The following PCGF6 variants were observed in gnomAD, a reference collection of about 807,000 sequenced individuals.
The protein encoded by PCGF6 is polycomb group ring finger 6.
PCGF6 carries 24 observed loss-of-function variants against 45.5 expected under a neutral mutation model. The observed-to-expected ratio is 0.53, with a 90% CI of 0.38 to 0.74. The LOEUF (loss-of-function observed/expected upper bound fraction) is 0.74, where lower values mean the gene tolerates loss of function less well. PCGF6 is among the 30% of genes least tolerant of loss of function. PCGF6 has a pLI of 0.00. For synonymous variants in PCGF6, 152 were observed against 162.1 expected (o/e 0.94, Z 0.47); for missense variants, 356 against 443.2 (o/e 0.80, Z 1.77).
intron 8 of PCGF6, among the ~76,000 whole-genome samples, chr10:103,320,061 C>T (rs895077326): frequency 2.6e-5 from 4 of 152,134 alleles, no homozygotes; most frequent in African/African-American, 9.7e-5. Flanking sequence ...CCGCCTCAGC[C>T]TCCCAAAATG....
At chr10:103,327,479 G>C (rs987944645) in intron 7 of PCGF6, among the ~76,000 whole-genome samples, 8 of 152,040 alleles carry the variant, frequency 5.3e-5, no homozygotes, top group Non-Finnish European at 8.8e-5. Context: ...GGAAATTTAA[G>C]TAGTACATGA....
In PCGF6 at chr10:103,343,916, T is replaced by C. The variant is rs376411290; in HGVS notation, c.782+1108A>G. Among the ~76,000 whole-genome samples the C allele has an allele frequency of 1.5e-4, 22 of 147,046 alleles. 1 individual carries two copies. Among genetic ancestry groups the C allele is most frequent in the African/African-American group, 4.8e-4 (19 of 39,800 alleles). On this transcript the variant is annotated intron_variant, in intron 6 of 9. Transcript: ENST00000369847. ...AAGAGGAACATACCCTAAGACTCAG[T>C]AAATCTACACTCGTGGAGAACTATC...
chr10:103,304,931 T>C (rs1317358608), intron 9 of PCGF6, among the ~76,000 whole-genome samples: 1 of 151,992 alleles, frequency 6.6e-6, no homozygotes, highest in Non-Finnish European at 1.5e-5. Flanking sequence ...GTGAGCCATC[T>C]AGACCAGCTT....
At chr10:103,328,745 CT>C (rs1386892505) in intron 7 of PCGF6, among the ~76,000 whole-genome samples, 1 of 152,010 alleles carries the variant, frequency 6.6e-6, no homozygotes, top group East Asian at 1.9e-4. Context: ...AGGATTTTAA[CT>C]TTTTTTGTTT....
At chr10:103,349,479 G>GTT (rs11450842) in intron 1 of PCGF6, among the ~76,000 whole-genome samples, 2,071 of 108,132 alleles carry the variant, frequency 0.019, 133 homozygotes, top group African/African-American at 0.029. Context: ...CTTTCTTTCC[G>GTT]TTTTTTTTTT....
chr10:103,310,616 T>C (rs557283168), intron 9 of PCGF6, among the ~76,000 whole-genome samples: 167 of 152,276 alleles, frequency 1.1e-3, no homozygotes, highest in Non-Finnish European at 1.8e-3. Context: ...AGATAATTCT[T>C]ATAATATTCA....
chr10:103,312,084 CAAAAAAAAAAAAA>C (rs1225426465), intron 9 of PCGF6, among the ~76,000 whole-genome samples: 1 of 47,246 alleles, frequency 2.1e-5, no homozygotes, highest in Non-Finnish European at 3.7e-5. Context: ...ACTCTGTCTC[CAAAAAAAAAAAAA>C]AAAAAAAAAG....
intron 7 of PCGF6, among the ~76,000 whole-genome samples, chr10:103,329,121 C>T (rs540959756): frequency 6.6e-6 from 1 of 151,628 alleles, no homozygotes; most frequent in South Asian, 2.1e-4. Flanking sequence ...CTCACTGCAA[C>T]CTCTGCCTCT....
chr10:103,350,536 G>A (rs2093316970), intron 1 of PCGF6, among the ~76,000 whole-genome samples, 171 bp downstream of exon 1: 2 of 152,176 alleles, frequency 1.3e-5, no homozygotes, highest in Non-Finnish European at 2.9e-5. Context: ...CGGGCCGGAG[G>A]CCTGTCGGCG....
intron 6 of PCGF6, among the ~76,000 whole-genome samples, chr10:103,342,858 C>T (rs547042650): frequency 2.6e-5 from 4 of 152,110 alleles, no homozygotes; most frequent in Non-Finnish European, 5.9e-5. Context: ...CTAATTTTTC[C>T]AAAGGGATCT....
intron 9 of PCGF6, among the ~76,000 whole-genome samples, chr10:103,306,152 C>G (rs1157368232): frequency 6.6e-6 from 1 of 150,422 alleles, no homozygotes; most frequent in Non-Finnish European, 1.5e-5. Context: ...GGTTGGAGTG[C>G]AATGGTGCCA....
At position 103,350,867 on chromosome 10, in the gene PCGF6, T is replaced by C. The variant is rs1564737641; in HGVS notation, c.200A>G (p.Glu67Gly). 4.5e-6 allele frequency: 7 copies of C among 1,538,986 alleles called. No individual in the cohort carries two copies. The highest frequency in any genetic ancestry group is 2.5e-5 in the East Asian group (1 of 39,912). Residue 67 changes from glutamate to glycine, a missense_variant, in exon 1 of 10, where the codon GAG becomes GGG. Physicochemically the swap from Glu to Gly is moderately conservative, Grantham distance 98 (BLOSUM62 -2). This residue lies in a region of PCGF6 where 307 missense variants were observed against 350.1 expected (regional missense o/e 0.88). Transcript: ENST00000369847. ...SGSRPPELEPERSLGRFRGRF... is the reference protein window; with the variant it reads ...SGSRPPELEPGRSLGRFRGRF... ...GCCTCTGAAGCGGCCCAGGCTGCGCTCCGGCTCCAGCTCAGGGGGCCGGGA... is the reference window on the plus strand; with the variant it reads ...GCCTCTGAAGCGGCCCAGGCTGCGCCCCGGCTCCAGCTCAGGGGGCCGGGA...
chr10:103,333,969 AAATT>A lies in PCGF6; in HGVS notation c.783-21_783-18del, dbSNP rs748531897. 6 of 1,506,786 alleles carry A rather than the reference AAATT, an allele frequency of 4.0e-6. No homozygotes were observed. Among genetic ancestry groups the A allele is most frequent in the African/African-American group, 1.4e-5 (1 of 69,886 alleles). The allele number at this position is 1,506,786 out of a possible 1,614,324, so 93.3% of individuals were successfully genotyped here. A position where few individuals can be genotyped will look rare whatever the true frequency, so the allele number is the denominator to read the frequency against. ...TCATTAGCACTGAAAAATGAGAGCA[AAATT>A]AATCAATATTTAATACTTTAAGCTA... On this transcript the variant is annotated intron_variant, in intron 6 of 9. Transcript: ENST00000369847.
intron 7 of PCGF6, among the ~76,000 whole-genome samples, chr10:103,328,992 G>A (rs951687697): frequency 6.6e-6 from 1 of 151,448 alleles, no homozygotes; most frequent in Non-Finnish European, 1.5e-5. Flanking sequence ...TGATCTACCG[G>A]CCTCAGCGTC....
intron 8 of PCGF6, among the ~76,000 whole-genome samples, chr10:103,322,332 A>G (rs2093200594): frequency 6.6e-6 from 1 of 152,042 alleles, no homozygotes; most frequent in Non-Finnish European, 1.5e-5. Flanking sequence ...AGCTAGGACT[A>G]CTAGGATTAC....
chr10:103,303,634 C>T lies in PCGF6; in HGVS notation c.*271G>A, dbSNP rs1046758409. 16 of 298,256 alleles carry T rather than the reference C, an allele frequency of 5.4e-5. No homozygotes were observed. The highest frequency in any genetic ancestry group is 2.9e-4 in the East Asian group (5 of 17,494). The allele number at this position is 298,256 out of a possible 1,614,324, so 18.5% of individuals were successfully genotyped here. ...CAAAGATGGGAAGCAAAATCAATGT[C>T]AAGGTATTTAAAATCATAAGAAATT... On this transcript the variant is annotated 3_prime_UTR_variant, in exon 10 of 10. Transcript: ENST00000369847.
intron 7 of PCGF6, among the ~76,000 whole-genome samples, chr10:103,328,745 CTTTT>C (rs1386892505): frequency 3.9e-5 from 6 of 152,128 alleles, no homozygotes; most frequent in East Asian, 1.9e-4. Context: ...AGGATTTTAA[CTTTT>C]TTTGTTTGTT....
intron 6 of PCGF6, among the ~76,000 whole-genome samples, chr10:103,342,567 T>C (rs554057231): frequency 6.6e-6 from 1 of 152,104 alleles, no homozygotes; most frequent in South Asian, 2.1e-4. Context: ...AGGAATGGCC[T>C]GTACACATAA....
intron 9 of PCGF6, among the ~76,000 whole-genome samples, chr10:103,309,793 T>C (rs898129191): frequency 4.0e-5 from 6 of 151,810 alleles, no homozygotes; most frequent in African/African-American, 1.5e-4. Context: ...TAGCCAGATG[T>C]GGTGGTGCAC....
Sources: allele counts gnomAD v4.1 joint callset (sites outside exome capture counted in the v4.1 genomes callset), GRCh38; gene constraint gnomAD v4.1.1; regional missense constraint gnomAD v4.1.1; transcripts MANE v1.5; gene names NCBI Gene and HGNC (gene_info 2026-07-23, HGNC 2026-07-21).